The following MCTP1 variants were observed in gnomAD, a reference collection of about 807,000 sequenced individuals.
MCTP1 encodes multiple C2 and transmembrane domain-containing protein 1.
Under a neutral mutation model 120.6 loss-of-function variants are expected in MCTP1, and 69 were observed. That is an observed-to-expected ratio of 0.57 (90% CI 0.47 to 0.70). MCTP1 has a LOEUF of 0.70. Ranked by LOEUF, MCTP1 falls within the 30% of genes least tolerant of loss-of-function variation. MCTP1 has a pLI of 0.00. For synonymous variants in MCTP1, 529 were observed against 493.1 expected (o/e 1.07, Z -0.96); for missense variants, 1,203 against 1,248.8 (o/e 0.96, Z 0.55).
intron 1 of MCTP1, among the ~76,000 whole-genome samples, chr5:95,100,223 T>C (rs984358424): frequency 6.6e-6 from 1 of 152,002 alleles, no homozygotes; most frequent in Non-Finnish European, 1.5e-5. Flanking sequence ...TGTATACATA[T>C]GTAACTAACC....
At chr5:95,182,988 T>C (rs1374335195) in intron 1 of MCTP1, among the ~76,000 whole-genome samples, 1 of 148,510 alleles carries the variant, frequency 6.7e-6, no homozygotes, top group Admixed American at 6.8e-5. Context: ...ATCGCACCAT[T>C]GCACTCCAGC....
intron 10 of MCTP1, among the ~76,000 whole-genome samples, chr5:94,898,268 TAAG>T (rs1804624380): frequency 6.6e-6 from 1 of 152,238 alleles, no homozygotes; most frequent in Non-Finnish European, 1.5e-5. Context: ...TTGTGCTAGT[TAAG>T]GTTATTTGGA....
intron 17 of MCTP1, among the ~76,000 whole-genome samples, chr5:94,822,889 C>G (rs930946669): frequency 1.8e-4 from 28 of 152,090 alleles, no homozygotes; most frequent in Admixed American, 5.2e-4. Context: ...CCTTCATCCA[C>G]TTTTTGATGG....
intron 11 of MCTP1, among the ~76,000 whole-genome samples, chr5:94,892,481 C>CT (rs1802907212): frequency 6.6e-6 from 1 of 152,154 alleles, no homozygotes; most frequent in Non-Finnish European, 1.5e-5. Context: ...TACCCGCCCC[C>CT]TATTGACCTT....
At chr5:95,011,941 C>T (rs1246220826) in intron 2 of MCTP1, among the ~76,000 whole-genome samples, 1 of 152,076 alleles carries the variant, frequency 6.6e-6, no homozygotes, top group Non-Finnish European at 1.5e-5. Context: ...CAAAAATGAT[C>T]CAGGCTCATA....
At chr5:95,099,599 C>T (rs1304218453) in intron 1 of MCTP1, among the ~76,000 whole-genome samples, 7 of 148,882 alleles carry the variant, frequency 4.7e-5, no homozygotes, top group African/African-American at 1.5e-4. Context: ...GTTAGAATGG[C>T]AATCATTAAA....
chr5:95,219,378 T>C (rs1753417808), intron 1 of MCTP1, among the ~76,000 whole-genome samples: 1 of 118,216 alleles, frequency 8.5e-6, no homozygotes, highest in South Asian at 2.8e-4. Context: ...TGAGACTCCA[T>C]CTCAAAAAAA....
intron 1 of MCTP1, among the ~76,000 whole-genome samples, chr5:95,209,295 T>C (rs1752045688): frequency 6.6e-6 from 1 of 152,214 alleles, no homozygotes; most frequent in Non-Finnish European, 1.5e-5. Flanking sequence ...GTTACATTAC[T>C]CAGAAATTCT....
chr5:94,997,815 A>G (rs1209775357), intron 2 of MCTP1, among the ~76,000 whole-genome samples: 2 of 152,204 alleles, frequency 1.3e-5, no homozygotes, highest in African/African-American at 4.8e-5. Context: ...TCAAATTACA[A>G]GGGTAAAATC....
chr5:94,855,498 CT>C (rs1294068567), intron 17 of MCTP1, among the ~76,000 whole-genome samples: 1 of 151,816 alleles, frequency 6.6e-6, no homozygotes, highest in African/African-American at 2.4e-5. Flanking sequence ...TGGTAGGTAA[CT>C]TCAGTCTGCT....
chr5:95,066,362 G>T (rs560639810), intron 1 of MCTP1, among the ~76,000 whole-genome samples: 1 of 152,190 alleles, frequency 6.6e-6, no homozygotes, highest in African/African-American at 2.4e-5. Flanking sequence ...GTGTTGGCAA[G>T]GATGTGAAGA....
Position 95,006,013 on chromosome 5 carries a change from C to G in MCTP1, c.838+11354G>C, listed in dbSNP as rs1175594747. 2.0e-5 allele frequency among the ~76,000 whole-genome samples: 3 copies of G among 152,084 alleles called. No homozygotes were observed. In the East Asian group the frequency reaches 5.8e-4, roughly 29 times the overall value. ...ACCCCCACTCTCACAAAGACTGAGA[C>G]AAGTTTCATTTAACATGCACATCTT... On this transcript the variant is annotated intron_variant, in intron 2 of 22. Coordinates refer to ENST00000515393, the MANE Select transcript of MCTP1 (RefSeq NM_024717.7).
chr5:95,204,883 T>C (rs949653549), intron 1 of MCTP1, among the ~76,000 whole-genome samples: 1 of 152,092 alleles, frequency 6.6e-6, no homozygotes, highest in African/African-American at 2.4e-5. Context: ...AGACATCCCA[T>C]ATTCATGGAT....
At chr5:94,817,162 T>A (rs187105314) in intron 17 of MCTP1, among the ~76,000 whole-genome samples, 624 of 152,280 alleles carry the variant, frequency 4.1e-3, no homozygotes, top group Non-Finnish European at 6.5e-3. Flanking sequence ...CCCAGCACTT[T>A]GGGAGGCCGA....
At chr5:94,832,499 T>C (rs569212173) in intron 17 of MCTP1, among the ~76,000 whole-genome samples, 1 of 152,310 alleles carries the variant, frequency 6.6e-6, no homozygotes, top group African/African-American at 2.4e-5. Flanking sequence ...CCTCTATAAA[T>C]TGTTTTGAAA....
At chr5:95,231,506 A>G (rs1375362312) in intron 1 of MCTP1, among the ~76,000 whole-genome samples, 1 of 152,158 alleles carries the variant, frequency 6.6e-6, no homozygotes, top group East Asian at 1.9e-4. Context: ...GCAACAAAAG[A>G]CAGTAATATC....
At chr5:94,947,556 A>ATATG (rs1491427903) in intron 3 of MCTP1, among the ~76,000 whole-genome samples, 2,412 of 16,794 alleles carry the variant, frequency 0.14, 156 homozygotes, top group South Asian at 0.3. Flanking sequence ...AGTTTACTAA[A>ATATG]TATATATATA....
intron 1 of MCTP1, among the ~76,000 whole-genome samples, chr5:95,023,492 G>A (rs73138051): frequency 0.054 from 8,263 of 152,252 alleles, 356 homozygotes; most frequent in African/African-American, 0.12. Flanking sequence ...TTTGAGCTGC[G>A]CTCCTGGGAG....
chr5:95,091,072 C>T (rs1221940492), intron 1 of MCTP1, among the ~76,000 whole-genome samples: 4 of 152,152 alleles, frequency 2.6e-5, no homozygotes, highest in Admixed American at 2.0e-4. Context: ...GTACCTCAAA[C>T]TAACACTGCC....
Sources: allele counts gnomAD v4.1 joint callset (sites outside exome capture counted in the v4.1 genomes callset), GRCh38; gene constraint gnomAD v4.1.1; transcripts MANE v1.5; gene names NCBI Gene and HGNC (gene_info 2026-07-23, HGNC 2026-07-21).